DNMT3A: variants seen among roughly 807,000 people sequenced by gnomAD.
DNMT3A encodes the protein DNA (cytosine-5)-methyltransferase 3A.
In DNMT3A, 267 loss-of-function variants were observed where a neutral mutation model predicts 117.6. That is an observed-to-expected ratio of 2.27 (90% CI 2.05 to 2.51). DNMT3A has a LOEUF of 2.51. DNMT3A is among the 30% of genes most tolerant of loss of function. The pLI is 0.00. For missense variants in DNMT3A, 1,029 were observed against 1,260.2 expected, an observed-to-expected ratio of 0.82 and a Z score of 2.78; for synonymous variants, 432 against 474.8, an observed-to-expected ratio of 0.91 and a Z score of 1.17.
At position 25,309,791 on chromosome 2, in the gene DNMT3A, CGCCTGTAATCCCAGCACTTTGAGAGG is replaced by C. The variant is rs2034003392; in HGVS notation, c.72+4096_72+4121del. 5.9e-5 allele frequency among the ~76,000 whole-genome samples: 9 copies of C among 152,270 alleles called. No homozygotes were observed. In the South Asian group the frequency reaches 1.9e-3, roughly 32 times the overall value. On this transcript the variant is annotated intron_variant, in intron 2 of 22. Transcript: ENST00000321117. ...AAGATAGGCCCGGCGTGGTGGCTCA[CGCCTGTAATCCCAGCACTTTGAGAGG>C]CCGAGGCGGGTGGATCATGAGGTCA...
chr2:25,234,323 G>C lies in DNMT3A; in HGVS notation c.2695C>G (p.Arg899Gly). 1 of 1,613,976 alleles carries C rather than the reference G, an allele frequency of 6.2e-7. No homozygotes were observed. Among genetic ancestry groups the C allele is most frequent in the Non-Finnish European group, 8.5e-7 (1 of 1,179,934 alleles). ...LGRSWSVPVI[R>G]HLFAPLKEYF... ...TCCTTCAGCGGAGCGAAGAGGTGGC[G>C]GATGACTGGCACGCTCCATGACCGG... The change falls in exon 23 of 23, where the codon CGC becomes GGC. Residue 899 changes from arginine to glycine, a missense_variant. Coordinates refer to ENST00000321117, the MANE Select transcript of DNMT3A (RefSeq NM_022552.5). The surrounding 1 kb of genome is among the most constrained non-coding windows in gnomAD (Gnocchi z 4.5).
In DNMT3A at chr2:25,239,156, G is replaced by A; in HGVS notation, c.2382C>T (p.Phe794=). The A allele has an allele frequency of 6.2e-7, 1 of 1,614,094 alleles. No homozygotes were observed. The highest frequency in any genetic ancestry group is 8.5e-7 in the Non-Finnish European group (1 of 1,179,976). ...EVSAAHRARY[F]WGNLPGMNRP... ...TGTTCATACCGGGAAGGTTACCCCA[G>A]AAGTAGCGGGCCCTGTGTGCAGCTG... The change falls in exon 20 of 23, where the codon TTC becomes TTT. Residue 794 remains phenylalanine (F), a synonymous_variant. Coordinates refer to ENST00000321117, the MANE Select transcript of DNMT3A (RefSeq NM_022552.5).
chr2:25,273,459 G>C (rs944382566), intron 6 of DNMT3A, among the ~76,000 whole-genome samples: 3 of 152,120 alleles, frequency 2.0e-5, no homozygotes, highest in Non-Finnish European at 2.9e-5. Context: ...AAACAGGGCC[G>C]CCTTCCCCTG....
At chr2:25,275,757 C>T (rs2031358154) in intron 4 of DNMT3A, among the ~76,000 whole-genome samples, 1 of 152,174 alleles carries the variant, frequency 6.6e-6, no homozygotes, top group South Asian at 2.1e-4. Context: ...AGAAAGAACT[C>T]GGGCAGGGGC....
chr2:25,245,989 G>A (rs751306942), intron 12 of DNMT3A, 31 bp downstream of exon 12: 15 of 1,613,490 alleles, frequency 9.3e-6, no homozygotes, highest in Non-Finnish European at 1.3e-5. Flanking sequence ...GCCACACTAG[G>A]AGTGCCAGAG....
upstream of DNMT3A, chr2:25,342,422 C>G (rs2035498041): frequency 6.6e-6 from 1 of 152,214 alleles, no homozygotes; most frequent in Non-Finnish European, 1.5e-5. The surrounding 1 kb of genome is among the most constrained non-coding windows in gnomAD (Gnocchi z 5.9). Flanking sequence ...CGCTGGGCGC[C>G]CCGCTACCTG....
chr2:25,250,692 C>G (rs574114600), intron 6 of DNMT3A, among the ~76,000 whole-genome samples: 5 of 152,252 alleles, frequency 3.3e-5, no homozygotes, highest in Non-Finnish European at 5.9e-5. Flanking sequence ...CGCTGCTCCT[C>G]GCCCACCACG....
chr2:25,279,038 G>C (rs2031681425), intron 4 of DNMT3A, among the ~76,000 whole-genome samples: 1 of 152,142 alleles, frequency 6.6e-6, no homozygotes, highest in South Asian at 2.1e-4. Context: ...TGTGAGTAGC[G>C]AGGAGAGAGA....
At chr2:25,334,150 C>T (rs369364442) in intron 1 of DNMT3A, among the ~76,000 whole-genome samples, 1 of 152,176 alleles carries the variant, frequency 6.6e-6, no homozygotes, top group South Asian at 2.1e-4. Context: ...GAAGGGAAGC[C>T]CCAAGAGGCA....
rs1674466585 is a variant in DNMT3A at position 25,244,339 on chromosome 2, C to G, written c.1668-1G>C. On this transcript the variant is annotated splice_acceptor_variant, in intron 14 of 22. Coordinates refer to ENST00000321117, the MANE Select transcript of DNMT3A (RefSeq NM_022552.5). LOFTEE classifies it high-confidence loss of function. Reference sequence around the variant, plus strand: ...GTCCACACACTCCACGCAAAAGCACCTGGAAGGAGACCCAGTGAGCAGAGG... The same window carrying G: ...GTCCACACACTCCACGCAAAAGCACGTGGAAGGAGACCCAGTGAGCAGAGG... 6.2e-7 allele frequency: 1 copy of G among 1,601,626 alleles called. No individual in the cohort carries two copies.
chr2:25,338,078 G>A (rs1324786828), intron 1 of DNMT3A, among the ~76,000 whole-genome samples: 1 of 152,198 alleles, frequency 6.6e-6, no homozygotes, highest in Non-Finnish European at 1.5e-5. Context: ...GGGGTGGGGA[G>A]GATACGAGCA....
Position 25,230,019 on chromosome 2 carries a change from T to G in DNMT3A, c.*4260A>C, listed in dbSNP as rs1672807076. 2 of 152,222 alleles carry G rather than the reference T, an allele frequency of 1.3e-5. No individual in the cohort carries two copies. The highest frequency in any genetic ancestry group is 2.1e-4 in the South Asian group (1 of 4,832). 9.4% of individuals were successfully genotyped at this position (152,222 alleles called of 1,614,324 possible). A position where few individuals can be genotyped will look rare whatever the true frequency, so the allele number is the denominator to read the frequency against. ...CTTCCTGCTGGGGTGCCTGTCCCAA[T>G]CCACACTCCTGCAATGCGCCAAAAA... On this transcript the variant is annotated 3_prime_UTR_variant, in exon 23 of 23. Transcript: ENST00000321117.
At chr2:25,268,166 T>C (rs1233244689) in intron 6 of DNMT3A, among the ~76,000 whole-genome samples, 1 of 152,166 alleles carries the variant, frequency 6.6e-6, no homozygotes, top group Non-Finnish European at 1.5e-5. Context: ...CACAGATGTT[T>C]CATTATCACT....
chr2:25,275,019 C>T lies in DNMT3A; in HGVS notation c.561G>A (p.Arg187=), dbSNP rs2031278231. 1 of 1,612,152 alleles carries T rather than the reference C, an allele frequency of 6.2e-7. No individual in the cohort carries two copies. The highest frequency in any genetic ancestry group is 1.1e-5 in the South Asian group (1 of 90,640). The part of the protein sequence containing the change: ...ESSLRQRPMP[R]LTFQAGDPYY... ...AGGGGTCCCCCGCCTGGAAGGTGAG[C>T]CTCGGCATGGGCCGCTGACGGAGGC... The change falls in exon 6 of 23, where the codon AGG becomes AGA. Residue 187 remains arginine, a synonymous_variant. Transcript: ENST00000321117.
At chr2:25,279,378 C>T (rs964249810) in intron 4 of DNMT3A, among the ~76,000 whole-genome samples, 8 of 152,214 alleles carry the variant, frequency 5.3e-5, no homozygotes, top group African/African-American at 1.2e-4. Context: ...AAGGAGACCA[C>T]GGCCGAGCCA....
rs764944380 is a variant in DNMT3A, at chr2:25,246,062, G to A, written c.1432C>T (p.Arg478Trp). Residue 478 changes from arginine (R) to tryptophan (W), a missense_variant and splice_region_variant, in exon 12 of 23, where the codon CGG becomes TGG. Transcript: ENST00000321117. Reference protein sequence around the residue: ...KEIIDERTRERLVYEVRQKCR... With the variant: ...KEIIDERTREWLVYEVRQKCR... The stretch of plus-strand genomic sequence containing the variant: ...TTCTGCCGCACCTCGTACACCAGCC[G>A]CTCTGCAAGGGGAGGAGAGCTGGCG... 2 of 1,614,158 alleles carry A rather than the reference G, an allele frequency of 1.2e-6. No homozygotes were observed. Among genetic ancestry groups the A allele is most frequent in the Admixed American group, 1.7e-5 (1 of 60,022 alleles).
At chr2:25,239,397 G>T in intron 19 of DNMT3A, 182 bp from the exon 20 acceptor site, 1 of 668,064 alleles carries the variant, frequency 1.5e-6, no homozygotes. Context: ...TCCACAAGCT[G>T]TCACTGGAAC....
intron 6 of DNMT3A, among the ~76,000 whole-genome samples, chr2:25,272,971 G>GTATTT (rs2031061564): frequency 6.4e-5 from 3 of 46,544 alleles, no homozygotes; most frequent in Non-Finnish European, 1.2e-4. Flanking sequence ...CTGGCTAATT[G>GTATTT]TTTGTATTTT....
intron 1 of DNMT3A, among the ~76,000 whole-genome samples, chr2:25,331,623 G>A (rs1210172506): frequency 2.6e-5 from 4 of 152,204 alleles, no homozygotes; most frequent in East Asian, 1.9e-4. Flanking sequence ...AAGTAGAGGC[G>A]CTAACTCATC....
Sources: allele counts gnomAD v4.1 joint callset (sites outside exome capture counted in the v4.1 genomes callset), GRCh38; gene constraint gnomAD v4.1.1; non-coding constraint Gnocchi (gnomAD v3.1); transcripts MANE v1.5; gene names NCBI Gene and HGNC (gene_info 2026-07-23, HGNC 2026-07-21).